The following MAGI3 variants were observed in gnomAD, a reference collection of about 807,000 sequenced individuals.
MAGI3 encodes membrane associated guanylate kinase, WW and PDZ domain containing 3.
A neutral mutation model predicts 121.8 loss-of-function variants in MAGI3; 43 were observed. The observed-to-expected ratio is 0.35, with a 90% CI of 0.28 to 0.46. MAGI3 has a LOEUF of 0.46. Ranked by LOEUF, MAGI3 falls within the 20% of genes least tolerant of loss-of-function variation. The pLI is 1.00. For missense variants in MAGI3, 1,547 were observed against 1,797.3 expected (o/e 0.86, Z 2.52); for synonymous variants, 553 against 639.3 (o/e 0.86, Z 2.04).
At position 113,507,272 on chromosome 1, in the gene MAGI3, G is replaced by GT. The variant is rs1448679609; in HGVS notation, c.317-42242dup. Among the ~76,000 whole-genome samples the GT allele has an allele frequency of 6.6e-5, 10 of 152,270 alleles. No individual in the cohort carries two copies. In the East Asian group the frequency reaches 1.9e-3, roughly 29 times the overall value. Reference sequence around the variant, plus strand: ...AGGAAACTACTAGTATATATGTACTGTAAGTGGCATTAGATAAACTCAGCA... The same window carrying GT: ...AGGAAACTACTAGTATATATGTACTGTTAAGTGGCATTAGATAAACTCAGCA... On this transcript the variant is annotated intron_variant, in intron 1 of 20. Coordinates refer to ENST00000307546, the MANE Select transcript of MAGI3 (RefSeq NM_001142782.2).
intron 16 of MAGI3, among the ~76,000 whole-genome samples, chr1:113,671,519 C>T (rs1052725184): frequency 1.1e-4 from 16 of 152,134 alleles, no homozygotes; most frequent in African/African-American, 3.6e-4. Context: ...TAATATGATT[C>T]CTGTTCTCCT....
chr1:113,652,349 G>A (rs1415082279), intron 14 of MAGI3, among the ~76,000 whole-genome samples: 1 of 152,190 alleles, frequency 6.6e-6, no homozygotes, highest in Non-Finnish European at 1.5e-5. Flanking sequence ...GTACAAAGTG[G>A]ACATTAATAA....
Position 113,391,023 on chromosome 1 carries a change from CG to C in MAGI3, c.-7del. ...GCGCGGGGTCTCCCCCATGGTGCAG[CG>C]GGGTTCGGGATGTCGAAGACGCTGA... On this transcript the variant is annotated 5_prime_UTR_variant, in exon 1 of 21. Transcript: ENST00000307546. The surrounding 1 kb of genome is among the most constrained non-coding windows in gnomAD (Gnocchi z 4.4). 1.3e-6 allele frequency: 2 copies of C among 1,571,424 alleles called. No individual in the cohort carries two copies. Among genetic ancestry groups the C allele is most frequent in the Non-Finnish European group, 1.7e-6 (2 of 1,160,404 alleles).
intron 1 of MAGI3, among the ~76,000 whole-genome samples, chr1:113,440,729 G>A (rs1407732418): frequency 1.3e-5 from 2 of 152,056 alleles, no homozygotes; most frequent in Admixed American, 6.6e-5. Flanking sequence ...TGGTGGTGGT[G>A]GTGATGATGA....
intron 2 of MAGI3, among the ~76,000 whole-genome samples, chr1:113,568,857 A>C (rs537270246): frequency 6.6e-6 from 1 of 152,202 alleles, no homozygotes; most frequent in East Asian, 1.9e-4. Context: ...AATATAGAAT[A>C]TCTCCATAGC....
intron 1 of MAGI3, among the ~76,000 whole-genome samples, chr1:113,490,640 G>A (rs1015739496): frequency 6.6e-6 from 1 of 152,152 alleles, no homozygotes; most frequent in Non-Finnish European, 1.5e-5. Flanking sequence ...AGTCTCACAC[G>A]GAGTGACATA....
intron 1 of MAGI3, among the ~76,000 whole-genome samples, chr1:113,515,860 C>A (rs936424186): frequency 7.2e-5 from 11 of 152,060 alleles, no homozygotes; most frequent in African/African-American, 2.7e-4. Context: ...TGAAATCATT[C>A]CACAGAGGTA....
At chr1:113,458,016 G>A (rs1019891826) in intron 1 of MAGI3, among the ~76,000 whole-genome samples, 2 of 152,230 alleles carry the variant, frequency 1.3e-5, no homozygotes, top group East Asian at 3.8e-4. Context: ...TGCTGGAGAA[G>A]TAGCCAAAAA....
chr1:113,645,022 C>CT (rs10548467), intron 11 of MAGI3, among the ~76,000 whole-genome samples: 12,376 of 104,298 alleles, frequency 0.12, 919 homozygotes, highest in East Asian at 0.17. Flanking sequence ...AGCTTCTGGC[C>CT]TTTTTTTTTT....
chr1:113,412,727 GT>G (rs143700768), intron 1 of MAGI3, among the ~76,000 whole-genome samples: 2 of 151,158 alleles, frequency 1.3e-5, no homozygotes, highest in East Asian at 2.0e-4. Flanking sequence ...GTTTTTGTTT[GT>G]TTTTTTTCTT....
chr1:113,413,485 C>G (rs1652120229), intron 1 of MAGI3, among the ~76,000 whole-genome samples: 1 of 152,130 alleles, frequency 6.6e-6, no homozygotes, highest in African/African-American at 2.4e-5. Flanking sequence ...GCCATTTTCA[C>G]AATATTGATT....
At chr1:113,540,886 G>A (rs1444701625) in intron 1 of MAGI3, among the ~76,000 whole-genome samples, 1 of 152,054 alleles carries the variant, frequency 6.6e-6, no homozygotes, top group Non-Finnish European at 1.5e-5. Context: ...TGAATATAAG[G>A]GAGCAATTTT....
intron 1 of MAGI3, among the ~76,000 whole-genome samples, chr1:113,529,624 T>C (rs1357253127): frequency 6.6e-6 from 1 of 152,198 alleles, no homozygotes; most frequent in Non-Finnish European, 1.5e-5. Flanking sequence ...CCTTATTTTT[T>C]CTTCTATACT....
chr1:113,536,830 C>T (rs1659031711), intron 1 of MAGI3, among the ~76,000 whole-genome samples: 1 of 152,062 alleles, frequency 6.6e-6, no homozygotes, highest in African/African-American at 2.4e-5. Context: ...AAAAACTCTT[C>T]ATATATATGG....
intron 1 of MAGI3, among the ~76,000 whole-genome samples, chr1:113,507,480 T>C (rs994093477): frequency 1.3e-5 from 2 of 152,242 alleles, no homozygotes; most frequent in African/African-American, 4.8e-5. Context: ...TCTGTAAATC[T>C]AACCTTTTCT....
chr1:113,582,105 A>G (rs1648075818), intron 3 of MAGI3, among the ~76,000 whole-genome samples: 1 of 152,134 alleles, frequency 6.6e-6, no homozygotes, highest in Non-Finnish European at 1.5e-5. Flanking sequence ...ATAGTTGTAC[A>G]TTATTTCACA....
chr1:113,510,047 G>A (rs1160946874), intron 1 of MAGI3, among the ~76,000 whole-genome samples: 1 of 152,132 alleles, frequency 6.6e-6, no homozygotes, highest in Non-Finnish European at 1.5e-5. Context: ...AGTTTCTGTG[G>A]CATTGGAATG....
chr1:113,666,611 C>T (rs1472102664), intron 16 of MAGI3, among the ~76,000 whole-genome samples: 1 of 152,168 alleles, frequency 6.6e-6, no homozygotes, highest in African/African-American at 2.4e-5. Flanking sequence ...CAAAGTCATC[C>T]ATGGGAACTA....
At chr1:113,602,160 C>T (rs1160019870) in intron 6 of MAGI3, among the ~76,000 whole-genome samples, 2 of 151,898 alleles carry the variant, frequency 1.3e-5, no homozygotes, top group Non-Finnish European at 2.9e-5. Context: ...CAGCATGTCA[C>T]ATGTATACAT....
Sources: gnomAD v4.1 joint callset for allele counts (sites outside exome capture counted in the v4.1 genomes callset) on GRCh38, gnomAD v4.1.1 for gene constraint, Gnocchi (gnomAD v3.1) non-coding constraint, MANE v1.5 for transcripts, NCBI Gene and HGNC (gene_info 2026-07-23, HGNC 2026-07-21) for gene names.